Variants in FAT1 observed in about 807,000 individuals in gnomAD.
The protein encoded by FAT1 is protocadherin Fat 1.
A neutral mutation model predicts 329.8 loss-of-function variants in FAT1; 171 were observed. That is an observed-to-expected ratio of 0.52 (90% CI 0.46 to 0.59). The LOEUF (loss-of-function observed/expected upper bound fraction) is 0.59, where lower values mean the gene tolerates loss of function less well. Among genes scored for constraint, FAT1 ranks in the 20% least tolerant of loss-of-function variants. FAT1 has a pLI of 0.00. For missense variants in FAT1, 5,672 were observed against 5,774.4 expected, an observed-to-expected ratio of 0.98 and a Z score of 0.57; for synonymous variants, 2,233 against 2,228.6, an observed-to-expected ratio of 1.00 and a Z score of -0.06.
intron 26 of FAT1, chr4:186,592,583 C>T (rs1738297470): frequency 4.7e-6 from 2 of 423,482 alleles, no homozygotes; most frequent in Non-Finnish European, 9.5e-6. Context: ...GACTCAACCC[C>T]CTCAAAACCA....
chr4:186,669,297 A>G (rs1312337759), intron 2 of FAT1, among the ~76,000 whole-genome samples: 4 of 152,184 alleles, frequency 2.6e-5, no homozygotes, highest in African/African-American at 7.2e-5. Context: ...GAGGGGTGAC[A>G]GGGAAACTCT....
intron 7 of FAT1, 42 bp from the exon 8 acceptor site, chr4:186,628,805 A>C: frequency 1.3e-6 from 2 of 1,572,410 alleles, no homozygotes; most frequent in South Asian, 2.3e-5. Flanking sequence ...ATTTCCAATT[A>C]TGAATGTTTT....
rs747406113 is a variant in FAT1 at position 186,598,037 on chromosome 4, C to T, written c.12192G>A (p.Gly4064=). ...CTCCGTTGTCGACAACACACGTGCCCCCATAGAGGCATGGCTTGGAGGAAC... is the reference window on the plus strand; with the variant it reads ...CTCCGTTGTCGACAACACACGTGCCTCCATAGAGGCATGGCTTGGAGGAAC... The part of the protein sequence containing the change: ...NPCSSKPCLY[G]GTCVVDNGGF... Residue 4064 remains glycine (G), a synonymous_variant, in exon 23 of 27, where the codon GGG becomes GGA. Coordinates refer to ENST00000441802, the MANE Select transcript of FAT1 (RefSeq NM_005245.4). The T allele has an allele frequency of 6.2e-7, 1 of 1,613,912 alleles. No homozygotes were observed.
chr4:186,695,738 T>G (rs1383766647), intron 2 of FAT1, among the ~76,000 whole-genome samples: 1 of 148,438 alleles, frequency 6.7e-6, no homozygotes, highest in African/African-American at 2.5e-5. Context: ...CTAAAATAAT[T>G]TTTAATATGT....
At chr4:186,674,004 T>A (rs1742844657) in intron 2 of FAT1, among the ~76,000 whole-genome samples, 1 of 152,240 alleles carries the variant, frequency 6.6e-6, no homozygotes, top group Non-Finnish European at 1.5e-5. Flanking sequence ...TCAGAAGCAT[T>A]AAGATACAGA....
chr4:186,715,634 T>C (rs955831195), intron 1 of FAT1, among the ~76,000 whole-genome samples: 1 of 152,154 alleles, frequency 6.6e-6, no homozygotes, highest in Non-Finnish European at 1.5e-5. Flanking sequence ...AAAAGGACCT[T>C]ATCGCCTAGA....
chr4:186,645,417 A>ATC lies in FAT1; in HGVS notation c.3581-5635_3581-5634insGA, dbSNP rs1232000658. 1.3e-3 allele frequency among the ~76,000 whole-genome samples: 92 copies of ATC among 70,068 alleles called. 5 individuals carry two copies. Among genetic ancestry groups the ATC allele is most frequent in the African/African-American group, 5.7e-3 (90 of 15,830 alleles). The allele number at this position is 70,068 out of a possible 152,430, so 46.0% of individuals were successfully genotyped here. A position where few individuals can be genotyped will look rare whatever the true frequency, so the allele number is the denominator to read the frequency against. ...TATATATATATATATATATATATAT[A>ATC]TATATGCCTGTAAAAAACTGAGATA... is the stretch of plus-strand genomic sequence containing the variant. On this transcript the variant is annotated intron_variant, in intron 3 of 26. Coordinates refer to ENST00000441802, the MANE Select transcript of FAT1 (RefSeq NM_005245.4).
chr4:186,655,942 A>AC (rs1293664601), intron 3 of FAT1, among the ~76,000 whole-genome samples: 3 of 152,236 alleles, frequency 2.0e-5, no homozygotes, highest in African/African-American at 7.2e-5. Context: ...ATCAGGTACG[A>AC]CCGCCAGTAC....
intron 16 of FAT1, among the ~76,000 whole-genome samples, chr4:186,607,369 G>A (rs149170885): frequency 4.6e-4 from 70 of 151,666 alleles, no homozygotes; most frequent in Non-Finnish European, 8.8e-4. Flanking sequence ...ATGCATAGAT[G>A]GGTGGATGGG....
intron 2 of FAT1, among the ~76,000 whole-genome samples, chr4:186,705,056 C>T (rs888243915): frequency 6.6e-6 from 1 of 151,234 alleles, no homozygotes; most frequent in Non-Finnish European, 1.5e-5. Flanking sequence ...GCCATCCTCC[C>T]ACCTCAGCCT....
At chr4:186,720,961 G>A (rs1745445200) in intron 1 of FAT1, among the ~76,000 whole-genome samples, 1 of 152,198 alleles carries the variant, frequency 6.6e-6, no homozygotes, top group Non-Finnish European at 1.5e-5. Context: ...CTGCTCTGTA[G>A]AGGACTCATT....
At chr4:186,652,433 A>C (rs570097719) in intron 3 of FAT1, among the ~76,000 whole-genome samples, 7 of 152,342 alleles carry the variant, frequency 4.6e-5, no homozygotes, top group Non-Finnish European at 8.8e-5. Context: ...CAAGTTAACC[A>C]ATTTGCGGAG....
In FAT1 at chr4:186,619,463, T is replaced by C. The variant is rs2126505819; in HGVS notation, c.7123A>G (p.Ile2375Val). The change falls in exon 10 of 27, where the codon ATT becomes GTT. Residue 2375 changes from isoleucine to valine, a missense_variant. Ile to Val is a conservative substitution (Grantham distance 29). Coordinates refer to ENST00000441802, the MANE Select transcript of FAT1 (RefSeq NM_005245.4). ...GGMPTLSSDV[I>V]VTVDVTDLND... ...AGGTCGGTAACGTCCACCGTGACAA[T>C]CACATCACTGCTCAGCGTGGGCATA... 1 of 1,613,984 alleles carries C rather than the reference T, an allele frequency of 6.2e-7. No individual in the cohort carries two copies. Among genetic ancestry groups the C allele is most frequent in the Non-Finnish European group, 8.5e-7 (1 of 1,179,888 alleles).
chr4:186,600,406 C>CA, intron 21 of FAT1, 46 bp from the exon 22 acceptor site: 1 of 1,487,714 alleles, frequency 6.7e-7, no homozygotes, highest in Non-Finnish European at 9.1e-7. Flanking sequence ...ATAGAACCTT[C>CA]AATGAGAGCA....
In FAT1 at chr4:186,618,607, C is replaced by T. The variant is rs2126497127; in HGVS notation, c.7979G>A (p.Ser2660Asn). 1.2e-6 allele frequency: 2 copies of T among 1,614,056 alleles called. No homozygotes were observed. The highest frequency in any genetic ancestry group is 1.1e-5 in the South Asian group (1 of 91,086). ...KLSGVITTKE[S>N]LIGLENEFFT... ...GAATTCATTTTCCAAGCCAATGAGG[C>T]TCTCCTTTGTAGTGATTACGCCGGA... Residue 2660 changes from serine to asparagine, a missense_variant, in exon 10 of 27, where the codon AGC (serine) becomes AAC (asparagine). By Grantham distance (46) the Ser-to-Asn change is conservative. Around this residue, in one of 2 missense-constraint regions of FAT1, gnomAD observed 3,966 missense variants for 3,915.2 expected, o/e 1.01. Coordinates refer to ENST00000441802, the MANE Select transcript of FAT1 (RefSeq NM_005245.4).
chr4:186,716,606 T>C (rs2126717298), intron 1 of FAT1, among the ~76,000 whole-genome samples: 1 of 152,162 alleles, frequency 6.6e-6, no homozygotes, highest in East Asian at 1.9e-4. Context: ...TTTGTAGAGA[T>C]GGGGTTTCAC....
intron 13 of FAT1, among the ~76,000 whole-genome samples, chr4:186,612,591 TC>T (rs1739496944): frequency 6.6e-6 from 1 of 152,128 alleles, no homozygotes; most frequent in Admixed American, 6.6e-5. Flanking sequence ...CTGAAAAATA[TC>T]CAAAAATCCA....
intron 1 of FAT1, among the ~76,000 whole-genome samples, chr4:186,713,850 C>T (rs1000616367): frequency 1.5e-4 from 23 of 152,018 alleles, no homozygotes; most frequent in Non-Finnish European, 2.2e-4. Context: ...GCACGCCTGG[C>T]TCATGTTTGT....
intron 4 of FAT1, among the ~76,000 whole-genome samples, chr4:186,638,651 T>C (rs994698753): frequency 1.4e-5 from 2 of 144,326 alleles, no homozygotes; most frequent in African/African-American, 5.1e-5. Context: ...ACACATACAC[T>C]GCACAACTAT....
Sources: gnomAD v4.1 joint callset for allele counts (sites outside exome capture counted in the v4.1 genomes callset) on GRCh38, gnomAD v4.1.1 for gene constraint, gnomAD v4.1.1 regional missense constraint, MANE v1.5 for transcripts, NCBI Gene and HGNC (gene_info 2026-07-23, HGNC 2026-07-21) for gene names.